Variants in NYAP2 observed in about 807,000 individuals in gnomAD.
NYAP2 encodes the protein neuronal tyrosine-phosphorylated phosphoinositide-3-kinase adapter 2.
In NYAP2, 23 loss-of-function variants were observed where a neutral mutation model predicts 50.4. The ratio of observed to expected loss-of-function variants is 0.46; its 90% CI spans 0.33 to 0.65. The LOEUF (loss-of-function observed/expected upper bound fraction) is 0.65. Ranked by LOEUF, NYAP2 falls within the 30% of genes least tolerant of loss-of-function variation. The pLI is 0.02. For missense variants in NYAP2, 885 were observed against 861.0 expected (o/e 1.03, Z -0.35); for synonymous variants, 394 against 365.2 (o/e 1.08, Z -0.90).
chr2:225,632,686 T>G (rs1333879643), intron 6 of NYAP2, among the ~76,000 whole-genome samples: 1 of 152,144 alleles, frequency 6.6e-6, no homozygotes, highest in Non-Finnish European at 1.5e-5. Context: ...ATGAACATAA[T>G]AGGAAAGCGT....
downstream of NYAP2, among the ~76,000 whole-genome samples, chr2:225,657,710 A>T (rs1317778589): frequency 6.6e-6 from 1 of 152,192 alleles, no homozygotes; most frequent in Non-Finnish European, 1.5e-5. Flanking sequence ...CACTATGAGC[A>T]TAGAGATGAC....
the NYAP2 span, chr2:225,700,229 A>C: frequency 6.6e-6 from 1 of 151,768 alleles, no homozygotes; most frequent in Non-Finnish European, 1.5e-5. Context: ...TTTGATGTCC[A>C]ATTCAAATTC....
intron 3 of NYAP2, among the ~76,000 whole-genome samples, chr2:225,481,660 A>T (rs1413378522): frequency 6.6e-6 from 1 of 152,170 alleles, no homozygotes; most frequent in Non-Finnish European, 1.5e-5. Flanking sequence ...ATGAAGTAGT[A>T]TTTCTTGAAG....
intron 5 of NYAP2, among the ~76,000 whole-genome samples, chr2:225,618,701 A>G (rs950118667): frequency 6.6e-6 from 1 of 152,194 alleles, no homozygotes; most frequent in South Asian, 2.1e-4. Context: ...AAAATAGGTA[A>G]TGGAAAAGAA....
chr2:225,520,410 A>G (rs1691027258), intron 4 of NYAP2, among the ~76,000 whole-genome samples: 1 of 152,056 alleles, frequency 6.6e-6, no homozygotes, highest in Non-Finnish European at 1.5e-5. Flanking sequence ...TTTTAGGTCT[A>G]ACATTTAAGT....
At position 225,513,477 on chromosome 2, in the gene NYAP2, T is replaced by G. The variant is rs1327619118; in HGVS notation, c.328T>G (p.Cys110Gly). Residue 110 changes from cysteine to glycine, a missense_variant, in exon 4 of 7, where the codon TGC (cysteine) becomes GGC (glycine). By Grantham distance (159) the Cys-to-Gly change is radical. Transcript: ENST00000636099. Reference sequence around the variant, plus strand: ...TCCTCAGGACAGACTTCCCCATCCTTGCTCCAGTGGCTTTTCTGTGAGATC... The same window carrying G: ...TCCTCAGGACAGACTTCCCCATCCTGGCTCCAGTGGCTTTTCTGTGAGATC... 1 of 1,613,984 alleles carries G rather than the reference T, an allele frequency of 6.2e-7. No homozygotes were observed. Among genetic ancestry groups the G allele is most frequent in the Admixed American group, 1.7e-5 (1 of 60,022 alleles).
At chr2:225,581,066 CA>C (rs1191117783) in intron 4 of NYAP2, among the ~76,000 whole-genome samples, 2 of 152,330 alleles carry the variant, frequency 1.3e-5, no homozygotes, top group East Asian at 3.9e-4. Flanking sequence ...TGTATGATGT[CA>C]GAAGTTTATG....
chr2:225,513,556 G>A (rs776930008), exon 4 of NYAP2: 28 of 1,609,036 alleles, frequency 1.7e-5, no homozygotes, highest in Middle Eastern at 1.7e-4. Flanking sequence ...TGTGGCTCAC[G>A]GAGACAACCA....
At chr2:225,566,419 C>T (rs73089057) in intron 4 of NYAP2, among the ~76,000 whole-genome samples, 11,564 of 152,226 alleles carry the variant, frequency 0.076, 1,470 homozygotes, top group African/African-American at 0.26. Flanking sequence ...ATCTATGAAA[C>T]GGCAGGGATT....
At chr2:225,552,559 TTC>T (rs145391159) in intron 4 of NYAP2, among the ~76,000 whole-genome samples, 186 of 148,678 alleles carry the variant, frequency 1.3e-3, no homozygotes, top group African/African-American at 2.3e-3. Context: ...TTCTCTCTCT[TTC>T]TCTCTCTCTC....
intron 5 of NYAP2, among the ~76,000 whole-genome samples, chr2:225,620,286 T>C (rs1342661830): frequency 6.6e-6 from 1 of 152,258 alleles, no homozygotes; most frequent in East Asian, 1.9e-4. Context: ...ATTTGTCTCT[T>C]TTCAACAGCT....
chr2:225,602,117 C>T (rs988300855), intron 5 of NYAP2, among the ~76,000 whole-genome samples: 1 of 152,132 alleles, frequency 6.6e-6, no homozygotes, highest in African/African-American at 2.4e-5. Context: ...GGGTTGCCAG[C>T]TATGGGACTC....
At chr2:225,583,351 A>G (rs943393922) in intron 5 of NYAP2, among the ~76,000 whole-genome samples, 3 of 152,104 alleles carry the variant, frequency 2.0e-5, no homozygotes, top group African/African-American at 4.8e-5. Context: ...AGGGACCACT[A>G]TGGAATTTTA....
intron 6 of NYAP2, among the ~76,000 whole-genome samples, chr2:225,639,784 A>C (rs1693493615): frequency 6.6e-6 from 1 of 152,206 alleles, no homozygotes; most frequent in Non-Finnish European, 1.5e-5. Context: ...TTAAAACTGT[A>C]ATTACAATCG....
chr2:225,519,286 T>C (rs1691002802), intron 4 of NYAP2, among the ~76,000 whole-genome samples: 1 of 151,940 alleles, frequency 6.6e-6, no homozygotes, highest in African/African-American at 2.4e-5. Flanking sequence ...TATTTTATTA[T>C]TATACTTTAA....
intron 3 of NYAP2, among the ~76,000 whole-genome samples, chr2:225,482,534 C>A (rs1221418413): frequency 6.6e-6 from 1 of 152,154 alleles, no homozygotes; most frequent in Non-Finnish European, 1.5e-5. Context: ...AATGATGGGT[C>A]ACTTCAATAG....
intron 6 of NYAP2, among the ~76,000 whole-genome samples, chr2:225,643,529 G>C (rs1338099504): frequency 1.3e-5 from 2 of 151,268 alleles, no homozygotes; most frequent in Non-Finnish European, 1.5e-5. Flanking sequence ...ATGCCATGCT[G>C]GTGCGCTGCA....
At chr2:225,544,686 G>A (rs1217975306) in intron 4 of NYAP2, among the ~76,000 whole-genome samples, 1 of 151,942 alleles carries the variant, frequency 6.6e-6, no homozygotes, top group Admixed American at 6.6e-5. Context: ...TCATTATTTA[G>A]CCTTTCTACT....
the NYAP2 span, among the ~76,000 whole-genome samples, chr2:225,680,041 A>C: frequency 6.6e-6 from 1 of 152,120 alleles, no homozygotes; most frequent in Admixed American, 6.6e-5. Flanking sequence ...GATAGATAGC[A>C]CCGGGTTTAA....
Sources: gnomAD v4.1 joint callset for allele counts (sites outside exome capture counted in the v4.1 genomes callset) on GRCh38, gnomAD v4.1.1 for gene constraint, MANE v1.5 for transcripts, NCBI Gene and HGNC (gene_info 2026-07-23, HGNC 2026-07-21) for gene names.